The following KCNQ3 variants were observed in gnomAD, a reference collection of about 807,000 sequenced individuals.
KCNQ3 encodes potassium voltage-gated channel subfamily KQT member 3.
In KCNQ3, 30 loss-of-function variants were observed where a neutral mutation model predicts 92.5. The observed-to-expected ratio is 0.32, with a 90% CI of 0.24 to 0.44. The LOEUF (loss-of-function observed/expected upper bound fraction) is 0.44. Ranked by LOEUF, KCNQ3 falls within the 20% of genes least tolerant of loss-of-function variation. KCNQ3 has a pLI of 1.00. For missense variants in KCNQ3, 913 were observed against 1,140.3 expected (o/e 0.80, Z 2.87); for synonymous variants, 450 against 468.8 (o/e 0.96, Z 0.52).
At chr8:132,279,773 C>T (rs1368297765) in intron 1 of KCNQ3, among the ~76,000 whole-genome samples, 1 of 152,150 alleles carries the variant, frequency 6.6e-6, no homozygotes, top group Non-Finnish European at 1.5e-5. Context: ...TGCATATCTA[C>T]ATGCAGACAT....
intron 1 of KCNQ3, among the ~76,000 whole-genome samples, chr8:132,295,313 G>A (rs775362822): frequency 6.6e-6 from 1 of 152,192 alleles, no homozygotes; most frequent in Non-Finnish European, 1.5e-5. Context: ...TTAGAGAAAT[G>A]CAAATCAAAC....
chr8:132,285,548 T>C (rs1816655399), intron 1 of KCNQ3, among the ~76,000 whole-genome samples: 1 of 152,170 alleles, frequency 6.6e-6, no homozygotes, highest in South Asian at 2.1e-4. Context: ...CTTATAACTG[T>C]TTACAGTGAG....
chr8:132,190,691 A>T (rs981685347), intron 1 of KCNQ3, among the ~76,000 whole-genome samples: 6 of 152,248 alleles, frequency 3.9e-5, no homozygotes, highest in Non-Finnish European at 5.9e-5. Flanking sequence ...TGAGATGCTC[A>T]GCAGAGGACC....
chr8:132,363,043 C>G (rs1324567543), intron 1 of KCNQ3, among the ~76,000 whole-genome samples: 2 of 152,224 alleles, frequency 1.3e-5, no homozygotes, highest in East Asian at 3.9e-4. Flanking sequence ...ACCTAGTAGA[C>G]TCAATGGGTA....
At chr8:132,380,931 G>GAAAAAAAAAAAAAAAAAAAAAAAAAA (rs553931640) in intron 1 of KCNQ3, among the ~76,000 whole-genome samples, 1 of 87,468 alleles carries the variant, frequency 1.1e-5, no homozygotes, top group Non-Finnish European at 2.5e-5. Context: ...AATGAAAGCA[G>GAAAAAAAAAAAAAAAAAAAAAAAAAA]AAAAAAAAAA....
At chr8:132,384,816 T>C (rs976775594) in intron 1 of KCNQ3, among the ~76,000 whole-genome samples, 1 of 152,204 alleles carries the variant, frequency 6.6e-6, no homozygotes, top group Non-Finnish European at 1.5e-5. Context: ...ATTTAATCTC[T>C]TGCTGCCCCA....
intron 1 of KCNQ3, among the ~76,000 whole-genome samples, chr8:132,275,880 C>A (rs1444859572): frequency 6.6e-6 from 1 of 151,714 alleles, no homozygotes; most frequent in Non-Finnish European, 1.5e-5. Context: ...CCAGCCAGTG[C>A]AACCTTCTAC....
chr8:132,454,469 T>C (rs1821894368), intron 1 of KCNQ3, among the ~76,000 whole-genome samples: 1 of 152,240 alleles, frequency 6.6e-6, no homozygotes, highest in African/African-American at 2.4e-5. Flanking sequence ...TTTATTCTCC[T>C]ACATTCTTTT....
chr8:132,321,583 T>G (rs1370635480), intron 1 of KCNQ3: 2 of 152,322 alleles, frequency 1.3e-5, no homozygotes, highest in African/African-American at 4.8e-5. Context: ...GCATACTGGG[T>G]CATTTCCTGG....
chr8:132,302,002 T>C (rs191529717), intron 1 of KCNQ3, among the ~76,000 whole-genome samples: 3 of 152,076 alleles, frequency 2.0e-5, no homozygotes, highest in African/African-American at 4.8e-5. Flanking sequence ...CCTGGGGATA[T>C]TGGGAAGCTT....
At chr8:132,187,746 GGTGGTGGTAGTGATGATGGTGGTA>G (rs1827022083) in intron 1 of KCNQ3, among the ~76,000 whole-genome samples, 1 of 151,126 alleles carries the variant, frequency 6.6e-6, no homozygotes, top group Non-Finnish European at 1.5e-5. Context: ...TGATGGTGGT[GGTGGTGGTAGTGATGATGGTGGTA>G]GTGATAGTGA....
intron 1 of KCNQ3, among the ~76,000 whole-genome samples, chr8:132,428,653 T>C (rs781718113): frequency 6.6e-6 from 1 of 152,178 alleles, no homozygotes; most frequent in African/African-American, 2.4e-5. Flanking sequence ...AAATATAAGA[T>C]ACAGCAAGCT....
chr8:132,367,173 A>G (rs1426770122), intron 1 of KCNQ3, among the ~76,000 whole-genome samples: 6 of 152,202 alleles, frequency 3.9e-5, no homozygotes, highest in Non-Finnish European at 4.4e-5. Flanking sequence ...CTCTCCTTCA[A>G]CCCTGAATGT....
intron 1 of KCNQ3, among the ~76,000 whole-genome samples, chr8:132,386,421 A>G (rs1351297631): frequency 6.6e-6 from 1 of 152,186 alleles, no homozygotes; most frequent in African/African-American, 2.4e-5. Context: ...ACAGATATAT[A>G]TCAGTTTTTA....
chr8:132,468,497 C>A (rs1026280792), intron 1 of KCNQ3, among the ~76,000 whole-genome samples: 1 of 152,188 alleles, frequency 6.6e-6, no homozygotes, highest in African/African-American at 2.4e-5. Flanking sequence ...TGCCTGCCTG[C>A]CTTTGGGTAG....
chr8:132,275,615 T>C (rs550378152), intron 1 of KCNQ3, among the ~76,000 whole-genome samples: 1 of 151,466 alleles, frequency 6.6e-6, no homozygotes, highest in East Asian at 2.0e-4. Context: ...TCTTGCTCTG[T>C]CGCCCAGGCT....
chr8:132,129,629 A>AAGAT lies in KCNQ3; in HGVS notation c.2248_2251dup (p.Leu751TyrfsTer16). 6.2e-7 allele frequency: 1 copy of AAGAT among 1,614,170 alleles called. No homozygotes were observed. Among genetic ancestry groups the AAGAT allele is most frequent in the Non-Finnish European group, 8.5e-7 (1 of 1,180,028 alleles). Reference sequence around the variant, plus strand: ...GCTCACTCGGGAGTCGAGAAGAGTCAAGATAGGCAGGACCGTGGGCCTCTC... The same window carrying AAGAT: ...GCTCACTCGGGAGTCGAGAAGAGTCAAGATAGATAGGCAGGACCGTGGGCCTCTC... On this transcript the variant is annotated frameshift_variant, in exon 15 of 15. Transcript: ENST00000388996. LOFTEE classifies it high-confidence loss of function. This position sits in a 1 kb window ranked among gnomAD's most constrained non-coding sequence, Gnocchi z 5.9.
chr8:132,377,088 T>C (rs936921188), intron 1 of KCNQ3, among the ~76,000 whole-genome samples: 1 of 152,226 alleles, frequency 6.6e-6, no homozygotes, highest in Non-Finnish European at 1.5e-5. Flanking sequence ...GGTGTGTCTG[T>C]GAGGATGTTT....
rs190273247 is a variant in KCNQ3 at position 132,227,046 on chromosome 8, A to G, written c.387-40865T>C. 5.6e-3 allele frequency among the ~76,000 whole-genome samples: 849 copies of G among 150,374 alleles called. 10 individuals carry two copies. The highest frequency in any genetic ancestry group is 0.02 in the African/African-American group (814 of 40,574). ...AAGACAATATATAATTAAGTACTTA[A>G]AACATATCTCACTCTTTTTTTTTTT... On this transcript the variant is annotated intron_variant, in intron 1 of 14. Transcript: ENST00000388996.
Sources: gnomAD v4.1 joint callset for allele counts (sites outside exome capture counted in the v4.1 genomes callset) on GRCh38, gnomAD v4.1.1 for gene constraint, Gnocchi (gnomAD v3.1) non-coding constraint, MANE v1.5 for transcripts, NCBI Gene and HGNC (gene_info 2026-07-23, HGNC 2026-07-21) for gene names.